Variants in DLGAP5 observed in about 807,000 individuals in gnomAD.
DLGAP5 encodes disks large-associated protein 5.
DLGAP5 carries 90 observed loss-of-function variants against 99.6 expected under a neutral mutation model. The observed-to-expected ratio is 0.90, with a 90% CI of 0.76 to 1.08. DLGAP5 has a LOEUF of 1.08. DLGAP5 is among the 50% of genes least tolerant of loss of function. The probability of loss-of-function intolerance (pLI) is 0.00; values close to 1 mark genes in which losing one functional copy is unlikely to be tolerated. For missense variants in DLGAP5, 1,036 were observed against 983.5 expected, an observed-to-expected ratio of 1.05 and a Z score of -0.71; for synonymous variants, 311 against 321.3, an observed-to-expected ratio of 0.97 and a Z score of 0.34.
chr14:55,157,035 A>AGTGGT (rs967820746), intron 14 of DLGAP5, among the ~76,000 whole-genome samples: 4 of 152,242 alleles, frequency 2.6e-5, no homozygotes, highest in African/African-American at 9.6e-5. Context: ...GGTAAACAAC[A>AGTGGT]AAACTCCAGT....
Position 55,182,429 on chromosome 14 carries a change from T to C in DLGAP5, c.436A>G (p.Ile146Val), listed in dbSNP as rs755289115. 3.1e-6 allele frequency: 5 copies of C among 1,612,100 alleles called. No homozygotes were observed. Among genetic ancestry groups the C allele is most frequent in the Non-Finnish European group, 4.2e-6 (5 of 1,178,974 alleles). Residue 146 changes from isoleucine to valine, a missense_variant, in exon 4 of 19, where the codon ATT becomes GTT. Coordinates refer to ENST00000247191, the MANE Select transcript of DLGAP5 (RefSeq NM_014750.5). ...NAVKAEPKKA[I>V]PSSVRITRSK... The stretch of plus-strand genomic sequence containing the variant: ...CTTGTAATCCGTACAGAAGATGGAA[T>C]AGCCTTAGAACAGTCAAAAGAAGAT...
At chr14:55,152,536 T>G in intron 16 of DLGAP5, 54 bp downstream of exon 16, 2 of 1,352,092 alleles carry the variant, frequency 1.5e-6, no homozygotes, top group Non-Finnish European at 2.0e-6. Flanking sequence ...CTTTCTATAA[T>G]GATATAAACA....
chr14:55,160,394 A>AT (rs1491446887), intron 13 of DLGAP5, among the ~76,000 whole-genome samples: 48 of 122,546 alleles, frequency 3.9e-4, no homozygotes, highest in Admixed American at 3.5e-3. Context: ...GACTCTATAT[A>AT]AAAAAAAAAA....
At chr14:55,171,703 T>C (rs1882864883) in intron 10 of DLGAP5, among the ~76,000 whole-genome samples, 1 of 152,198 alleles carries the variant, frequency 6.6e-6, no homozygotes, top group African/African-American at 2.4e-5. Context: ...AGTTAAAACA[T>C]GGAAGCAACC....
chr14:55,148,424 T>G lies in DLGAP5; in HGVS notation c.2468A>C (p.Gln823Pro). Residue 823 changes from glutamine (Q) to proline (P), a missense_variant, in exon 19 of 19, where the codon CAA (glutamine) becomes CCA (proline). Transcript: ENST00000247191. ...NPFTQLERRH[Q>P]EHARHISFGG... ...AAAAGAAATGTGTCTGGCATGTTCT[T>G]GATGTCTCCTCTCCAGCTGAGTAAA... The G allele has an allele frequency of 6.2e-7, 1 of 1,614,216 alleles. No homozygotes were observed. Among genetic ancestry groups the G allele is most frequent in the Non-Finnish European group, 8.5e-7 (1 of 1,180,024 alleles).
intron 2 of DLGAP5, among the ~76,000 whole-genome samples, chr14:55,186,046 G>A (rs116020992): frequency 0.02 from 3,094 of 152,234 alleles, 83 homozygotes; most frequent in African/African-American, 0.07. Flanking sequence ...TGAGGTGGGC[G>A]GTTCATCTGA....
chr14:55,156,804 T>TAA (rs1314936427), intron 14 of DLGAP5, among the ~76,000 whole-genome samples: 3 of 152,140 alleles, frequency 2.0e-5, no homozygotes, highest in Non-Finnish European at 4.4e-5. Flanking sequence ...CTTGGAAAGA[T>TAA]AAAACAATAC....
intron 10 of DLGAP5, among the ~76,000 whole-genome samples, chr14:55,172,305 T>C (rs1381842638): frequency 1.4e-5 from 2 of 139,458 alleles, no homozygotes; most frequent in African/African-American, 5.4e-5. Flanking sequence ...CTGGGAAACA[T>C]GGCGAAAACC....
At chr14:55,164,628 G>GA (rs929802498) in intron 12 of DLGAP5, among the ~76,000 whole-genome samples, 32 of 147,624 alleles carry the variant, frequency 2.2e-4, no homozygotes, top group South Asian at 4.3e-4. Context: ...CAACATAAAA[G>GA]AAAAAAAAAA....
Position 55,183,745 on chromosome 14 carries a change from T to A in DLGAP5, c.247A>T (p.Lys83Ter). Residue 83 changes from lysine to a stop codon, truncating the protein, a stop_gained, in exon 3 of 19, where the codon AAA becomes TAA. Transcript: ENST00000247191. LOFTEE classifies it high-confidence loss of function. ...TTTCGTTGATCACCTAGAATAGTTT[T>A]CATTGCCCCTAGGCAGAAAAAAAAC... The part of the protein sequence containing the change: ...EKTNVKPRAM[K>*]TILGDQRKQM... The A allele has an allele frequency of 6.3e-7, 1 of 1,589,518 alleles. No individual in the cohort carries two copies. The highest frequency in any genetic ancestry group is 8.5e-7 in the Non-Finnish European group (1 of 1,170,004).
At chr14:55,158,285 T>C (rs1882281760) in intron 14 of DLGAP5, among the ~76,000 whole-genome samples, 1 of 152,202 alleles carries the variant, frequency 6.6e-6, no homozygotes, top group Non-Finnish European at 1.5e-5. Flanking sequence ...ACTTAGAAAG[T>C]AGAAAAGCAA....
At chr14:55,164,918 T>C (rs1239999512) in intron 12 of DLGAP5, among the ~76,000 whole-genome samples, 1 of 90,112 alleles carries the variant, frequency 1.1e-5, no homozygotes, top group Non-Finnish European at 1.9e-5. Context: ...TGAGACTCTG[T>C]CTCAAAAAAA....
At chr14:55,156,145 C>G (rs1223259767) in intron 14 of DLGAP5, among the ~76,000 whole-genome samples, 4 of 151,656 alleles carry the variant, frequency 2.6e-5, no homozygotes, top group African/African-American at 9.7e-5. Flanking sequence ...CACATAACCC[C>G]TCAAAAGAAC....
chr14:55,183,725 T>C lies in DLGAP5; in HGVS notation c.267A>G (p.Gln89=), dbSNP rs753823494. The change falls in exon 3 of 19, where the codon CAA becomes CAG. Residue 89 remains glutamine, a synonymous_variant. Transcript: ENST00000247191. ...TGTATTTTTGGAGCATCTGTTTTCG[T>C]TGATCACCTAGAATAGTTTTCATTG... ...PRAMKTILGD[Q]RKQMLQKYKE... 1.2e-6 allele frequency: 2 copies of C among 1,604,830 alleles called. No individual in the cohort carries two copies. The highest frequency in any genetic ancestry group is 3.4e-5 in the Admixed American group (2 of 58,136).
At chr14:55,187,109 T>C (rs1368717227) in intron 2 of DLGAP5, among the ~76,000 whole-genome samples, 1 of 152,194 alleles carries the variant, frequency 6.6e-6, no homozygotes, top group South Asian at 2.1e-4. Context: ...TTTCACCATG[T>C]TGGCCAGAAT....
chr14:55,167,916 T>C (rs1161778533), intron 12 of DLGAP5, among the ~76,000 whole-genome samples: 1 of 152,206 alleles, frequency 6.6e-6, no homozygotes, highest in Non-Finnish European at 1.5e-5. Flanking sequence ...AGTATCTAAT[T>C]ATGTAAGTTG....
chr14:55,188,760 G>C (rs1334323510), intron 2 of DLGAP5, among the ~76,000 whole-genome samples, 182 bp downstream of exon 2: 1 of 133,640 alleles, frequency 7.5e-6, no homozygotes, highest in Non-Finnish European at 1.5e-5. Flanking sequence ...GACACAGTGA[G>C]ACCCTGTCTC....
intron 18 of DLGAP5, among the ~76,000 whole-genome samples, chr14:55,149,669 G>T (rs1881941848): frequency 6.6e-6 from 1 of 152,084 alleles, no homozygotes; most frequent in Non-Finnish European, 1.5e-5. Flanking sequence ...AAAATTCCAA[G>T]GTAAGGCTGT....
chr14:55,152,434 A>G (rs904718357), intron 16 of DLGAP5, among the ~76,000 whole-genome samples, 156 bp downstream of exon 16: 3 of 152,236 alleles, frequency 2.0e-5, no homozygotes, highest in Admixed American at 1.3e-4. Context: ...CTATGGTTTT[A>G]AACAACCCAA....
Sources: allele counts gnomAD v4.1 joint callset (sites outside exome capture counted in the v4.1 genomes callset), GRCh38; gene constraint gnomAD v4.1.1; transcripts MANE v1.5; gene names NCBI Gene and HGNC (gene_info 2026-07-23, HGNC 2026-07-21).